The following POM121C variants were observed in gnomAD, a reference collection of about 807,000 sequenced individuals.
The protein encoded by POM121C is nuclear envelope pore membrane protein POM 121C.
POM121C carries 20 observed loss-of-function variants against 66.4 expected under a neutral mutation model. That is an observed-to-expected ratio of 0.30 (90% CI 0.21 to 0.44). POM121C has a LOEUF of 0.44. Ranked by LOEUF, POM121C falls within the 20% of genes least tolerant of loss-of-function variation. The pLI is 1.00. For missense variants in POM121C, 580 were observed against 1,225.7 expected (o/e 0.47, Z 7.87); for synonymous variants, 286 against 528.0 (o/e 0.54, Z 6.28).
At chr7:75,454,972 T>C (rs1285468332) in intron 3 of POM121C, among the ~76,000 whole-genome samples, 1 of 152,214 alleles carries the variant, frequency 6.6e-6, no homozygotes. Flanking sequence ...GCTGGTCTTG[T>C]CTCCATAGTC....
At chr7:75,480,830 A>G (rs1343039614) in intron 1 of POM121C, among the ~76,000 whole-genome samples, 6 of 152,058 alleles carry the variant, frequency 3.9e-5, no homozygotes, top group African/African-American at 9.7e-5. Context: ...ATTGCTATAA[A>G]GGAAATTATT....
intron 3 of POM121C, among the ~76,000 whole-genome samples, chr7:75,453,441 G>C (rs587678751): frequency 6.6e-6 from 1 of 151,596 alleles, no homozygotes; most frequent in Non-Finnish European, 1.5e-5. Context: ...AATTAGCTGG[G>C]CATAGTGGCG....
chr7:75,441,593 C>A lies in POM121C; in HGVS notation c.-97G>T. On this transcript the variant is annotated 5_prime_UTR_variant, in exon 4 of 15. Transcript: ENST00000615331. ...GACAGGAATACTGGGTCTGATGGAT[C>A]GGATAGCGTCTTCGAGGTGTTATTA... The A allele has an allele frequency of 6.2e-7, 1 of 1,600,678 alleles. No homozygotes were observed. Among genetic ancestry groups the A allele is most frequent in the South Asian group, 1.1e-5 (1 of 89,564 alleles).
intron 7 of POM121C, among the ~76,000 whole-genome samples, chr7:75,433,746 G>A (rs1790282293): frequency 6.6e-6 from 1 of 152,188 alleles, no homozygotes; most frequent in South Asian, 2.1e-4. Flanking sequence ...TCATTCTCAT[G>A]AGTACGTCTT....
At chr7:75,431,603 C>CAAAAAAAAAAA (rs71098029) in intron 7 of POM121C, among the ~76,000 whole-genome samples, 3 of 50,756 alleles carry the variant, frequency 5.9e-5, no homozygotes, top group Non-Finnish European at 9.8e-5. Flanking sequence ...AACTCCGTCT[C>CAAAAAAAAAAA]AAAAAAAAAA....
chr7:75,462,499 G>A (rs782133691), intron 3 of POM121C, among the ~76,000 whole-genome samples: 4 of 151,974 alleles, frequency 2.6e-5, no homozygotes, highest in Non-Finnish European at 5.9e-5. Context: ...TATTTTACTT[G>A]CCCTTGCCCC....
intron 3 of POM121C, among the ~76,000 whole-genome samples, chr7:75,452,069 C>T (rs1791040501): frequency 6.6e-6 from 1 of 152,114 alleles, no homozygotes; most frequent in Non-Finnish European, 1.5e-5. Flanking sequence ...GAGGCTGAGG[C>T]AGGAGAATCT....
In POM121C at chr7:75,439,133, C is replaced by T. The variant is rs1554473449; in HGVS notation, c.308+11G>A. On this transcript the variant is annotated intron_variant, in intron 6 of 14. Transcript: ENST00000615331. ...ACAGTTGGTATTTCATCTGGATGGA[C>T]TCGCACTTACTTAGGCACAAAAGAA... is the stretch of plus-strand genomic sequence containing the variant. The T allele has an allele frequency of 1.9e-6, 3 of 1,614,046 alleles. No homozygotes were observed. The highest frequency in any genetic ancestry group is 3.3e-4 in the Middle Eastern group (2 of 6,082).
At chr7:75,435,367 GAAC>G (rs1405701715) in intron 7 of POM121C, among the ~76,000 whole-genome samples, 5 of 151,812 alleles carry the variant, frequency 3.3e-5, no homozygotes, top group Admixed American at 2.0e-4. Flanking sequence ...GTTTAAAAAA[GAAC>G]AACAAAGGAT....
At chr7:75,437,368 G>C (rs1554473143) in intron 7 of POM121C, 147 bp downstream of exon 7, 2 of 1,157,592 alleles carry the variant, frequency 1.7e-6, no homozygotes, top group East Asian at 2.4e-5. Flanking sequence ...TGCCCAGGCT[G>C]GTTTTGAACT....
At chr7:75,421,415 C>T (rs1789701472) in intron 13 of POM121C, 94 bp downstream of exon 13, 2 of 1,575,248 alleles carry the variant, frequency 1.3e-6, no homozygotes, top group Non-Finnish European at 1.7e-6. Context: ...CCTGTCTCTT[C>T]ACTGCCACAG....
intron 5 of POM121C, chr7:75,440,487 G>T: frequency 6.0e-6 from 1 of 165,544 alleles, no homozygotes; most frequent in South Asian, 1.3e-4. Flanking sequence ...AGAATGGCAT[G>T]AACCTGGGAG....
chr7:75,447,774 A>G (rs1357801624), intron 3 of POM121C, among the ~76,000 whole-genome samples: 5 of 152,174 alleles, frequency 3.3e-5, no homozygotes. Context: ...CTGTAATCCC[A>G]GCACTTTGGG....
intron 7 of POM121C, among the ~76,000 whole-genome samples, chr7:75,432,764 T>TA (rs1790234047): frequency 1.3e-5 from 2 of 152,230 alleles, no homozygotes; most frequent in Admixed American, 1.3e-4. Context: ...GACCCTGCTA[T>TA]GTAGAACAGT....
In POM121C at chr7:75,421,497, G is replaced by A. The variant is rs782256593; in HGVS notation, c.2743+12C>T. 5.6e-6 allele frequency: 9 copies of A among 1,610,816 alleles called. No homozygotes were observed. Among genetic ancestry groups the A allele is most frequent in the East Asian group, 4.5e-5 (2 of 44,860 alleles). ...GTCCGGCCCGGTAGCCCAAGTCCAC[G>A]CCCCTCCTTACCTCCAAACACAGGT... On this transcript the variant is annotated intron_variant, in intron 13 of 14. Coordinates refer to ENST00000615331, the MANE Select transcript of POM121C (RefSeq NM_001099415.3).
rs1470905395 is a variant in POM121C at position 75,461,563 on chromosome 7, C to T, written c.-152+13141G>A. Among the ~76,000 whole-genome samples the T allele has an allele frequency of 1.8e-4, 27 of 152,066 alleles. 1 individual carries two copies. Among genetic ancestry groups the T allele is most frequent in the African/African-American group, 6.5e-4 (27 of 41,356 alleles). On this transcript the variant is annotated intron_variant, in intron 3 of 14. Transcript: ENST00000615331. ...CCAAGTAGCTGGGATTACAGGCATG[C>T]ACCACCACGCCTGGCTAATTTTTGT... is the stretch of plus-strand genomic sequence containing the variant.
chr7:75,466,211 T>TAAA (rs35718925), intron 3 of POM121C, among the ~76,000 whole-genome samples: 1 of 139,008 alleles, frequency 7.2e-6, no homozygotes, highest in Non-Finnish European at 1.6e-5. Flanking sequence ...GAAGAAGCAA[T>TAAA]AAAAAAAAAA....
intron 13 of POM121C, chr7:75,420,049 G>A (rs1396289734): frequency 2.0e-5 from 3 of 152,660 alleles, no homozygotes; most frequent in African/African-American, 7.2e-5. Context: ...CGTAACTCAG[G>A]TTCAAATCAC....
At chr7:75,467,480 C>A (rs587712612) in intron 3 of POM121C, among the ~76,000 whole-genome samples, 2 of 131,714 alleles carry the variant, frequency 1.5e-5, no homozygotes, top group Non-Finnish European at 1.5e-5. Context: ...TGCAGTGAGC[C>A]GAGAATGCGC....
Sources: gnomAD v4.1 joint callset for allele counts (sites outside exome capture counted in the v4.1 genomes callset) on GRCh38, gnomAD v4.1.1 for gene constraint, MANE v1.5 for transcripts, NCBI Gene and HGNC (gene_info 2026-07-23, HGNC 2026-07-21) for gene names.